Variants in CCSER1 observed in about 807,000 individuals in gnomAD.
The protein encoded by CCSER1 is coiled-coil serine rich protein 1, also known as serine-rich coiled-coil domain-containing protein 1.
Under a neutral mutation model 82.0 loss-of-function variants are expected in CCSER1, and 41 were observed. That is an observed-to-expected ratio of 0.50 (90% confidence interval 0.39 to 0.65). The LOEUF is 0.65. Among genes scored for constraint, CCSER1 ranks in the 30% least tolerant of loss-of-function variants. The pLI, the probability that CCSER1 is intolerant of heterozygous loss-of-function variation, is 0.00. For missense variants in CCSER1, 1,119 were observed against 1,064.2 expected (o/e 1.05, Z -0.72); for synonymous variants, 414 against 383.9 (o/e 1.08, Z -0.92).
chr4:91,134,787 C>T (rs182007061), intron 10 of CCSER1, among the ~76,000 whole-genome samples: 95 of 152,242 alleles, frequency 6.2e-4, no homozygotes, highest in African/African-American at 1.7e-3. Context: ...CCTGGCCAGG[C>T]GCGGTGGCTC....
At chr4:91,023,231 C>T (rs1267291537) in intron 9 of CCSER1, among the ~76,000 whole-genome samples, 1 of 152,054 alleles carries the variant, frequency 6.6e-6, no homozygotes, top group Non-Finnish European at 1.5e-5. Context: ...GCCATACTGC[C>T]CAAGGTAATT....
intron 10 of CCSER1, among the ~76,000 whole-genome samples, chr4:91,331,728 A>G (rs1009251357): frequency 6.6e-6 from 1 of 152,142 alleles, no homozygotes. Flanking sequence ...TGATAAATAC[A>G]GTGCCCCACC....
chr4:91,103,732 A>C (rs1369733600), intron 10 of CCSER1, among the ~76,000 whole-genome samples: 1 of 152,192 alleles, frequency 6.6e-6, no homozygotes, highest in Non-Finnish European at 1.5e-5. Context: ...TGTTAACTGT[A>C]CAAATTGATT....
In CCSER1 at chr4:91,338,852, TTCTC is replaced by T. The variant is rs1414166469; in HGVS notation, c.2217+252860_2217+252863del. On this transcript the variant is annotated intron_variant, in intron 10 of 10. Transcript: ENST00000509176. Reference sequence around the variant, plus strand: ...GTGATGCCCACATGCTGATGTAGTTTTCTCTTTAAATATATATATTTAAAAGCAC... The same window carrying T: ...GTGATGCCCACATGCTGATGTAGTTTTTTAAATATATATATTTAAAAGCAC... Among the ~76,000 whole-genome samples the T allele has an allele frequency of 2.9e-4, 44 of 152,124 alleles. 1 individual carries two copies. The highest frequency in any genetic ancestry group is 1.5e-4 in the Non-Finnish European group (10 of 68,012).
At chr4:90,453,708 T>G (rs1761794849) in intron 4 of CCSER1, among the ~76,000 whole-genome samples, 1 of 152,170 alleles carries the variant, frequency 6.6e-6, no homozygotes, top group Non-Finnish European at 1.5e-5. Flanking sequence ...CAGGCATGAT[T>G]AGAAAGCATG....
chr4:91,330,063 T>A (rs967095863), intron 10 of CCSER1, among the ~76,000 whole-genome samples: 1 of 152,182 alleles, frequency 6.6e-6, no homozygotes, highest in African/African-American at 2.4e-5. Context: ...TTCTACTTCA[T>A]TAATTTTTTG....
At chr4:90,586,445 G>A (rs2148664903) in intron 5 of CCSER1, among the ~76,000 whole-genome samples, 1 of 152,220 alleles carries the variant, frequency 6.6e-6, no homozygotes, top group East Asian at 1.9e-4. Context: ...AAATATAAAT[G>A]AACCAAGTCA....
intron 3 of CCSER1, chr4:90,325,597 G>T: frequency 4.5e-6 from 2 of 441,534 alleles, no homozygotes; most frequent in Non-Finnish European, 9.2e-6. Flanking sequence ...TTGATTCAGG[G>T]TCTGCGACAG....
intron 5 of CCSER1, among the ~76,000 whole-genome samples, chr4:90,511,483 T>G (rs958547146): frequency 6.6e-6 from 1 of 152,140 alleles, no homozygotes; most frequent in Admixed American, 6.5e-5. Flanking sequence ...AAGATTCAAG[T>G]GCTATTCGAA....
chr4:90,624,018 G>C (rs60548151), intron 5 of CCSER1, among the ~76,000 whole-genome samples: 1 of 152,148 alleles, frequency 6.6e-6, no homozygotes, highest in Non-Finnish European at 1.5e-5. Context: ...GTTTTTAAAA[G>C]TTATTATTTT....
intron 8 of CCSER1, among the ~76,000 whole-genome samples, chr4:90,820,414 A>G (rs1030578804): frequency 6.6e-6 from 1 of 152,188 alleles, no homozygotes; most frequent in Non-Finnish European, 1.5e-5. Flanking sequence ...GTTAGGGCCC[A>G]TCTCTCTGCT....
intron 5 of CCSER1, among the ~76,000 whole-genome samples, chr4:90,519,526 G>A (rs1772793641): frequency 6.6e-6 from 1 of 151,860 alleles, no homozygotes; most frequent in South Asian, 2.1e-4. Context: ...AGTATTGTCA[G>A]TTTATTAATT....
chr4:91,381,618 C>A (rs960767953), intron 10 of CCSER1, among the ~76,000 whole-genome samples: 1 of 152,170 alleles, frequency 6.6e-6, no homozygotes, highest in African/African-American at 2.4e-5. Context: ...GACTTCTCTA[C>A]ACTGATTATT....
At chr4:91,291,530 C>G (rs1290746777) in intron 10 of CCSER1, among the ~76,000 whole-genome samples, 3 of 151,898 alleles carry the variant, frequency 2.0e-5, no homozygotes, top group Admixed American at 6.6e-5. Context: ...ACAGTCACGA[C>G]AGAAGCAAAG....
chr4:90,883,064 T>C (rs1580916604), intron 8 of CCSER1, among the ~76,000 whole-genome samples: 1 of 152,028 alleles, frequency 6.6e-6, no homozygotes. Flanking sequence ...GTAAGTAACC[T>C]TTCTATCAAC....
intron 10 of CCSER1, among the ~76,000 whole-genome samples, chr4:91,291,453 T>A (rs1743737834): frequency 6.6e-6 from 1 of 152,012 alleles, no homozygotes; most frequent in Non-Finnish European, 1.5e-5. Flanking sequence ...GGCTCATGGT[T>A]GTACAAACCG....
chr4:91,245,345 G>T (rs1389431203), intron 10 of CCSER1, among the ~76,000 whole-genome samples: 1 of 152,018 alleles, frequency 6.6e-6, no homozygotes, highest in Non-Finnish European at 1.5e-5. Context: ...TCTAGGCATT[G>T]AATAATCAAA....
chr4:90,159,150 C>A (rs1056046527), intron 1 of CCSER1, among the ~76,000 whole-genome samples: 1 of 152,112 alleles, frequency 6.6e-6, no homozygotes, highest in African/African-American at 2.4e-5. Context: ...CCTCCTACCT[C>A]AGCCTCTTTA....
chr4:91,378,261 A>G (rs915644201), intron 10 of CCSER1, among the ~76,000 whole-genome samples: 1 of 152,118 alleles, frequency 6.6e-6, no homozygotes, highest in Non-Finnish European at 1.5e-5. Flanking sequence ...ATGAACTTTA[A>G]AGTAGATTTT....
Sources: gnomAD v4.1 joint callset for allele counts (sites outside exome capture counted in the v4.1 genomes callset) on GRCh38, gnomAD v4.1.1 for gene constraint, MANE v1.5 for transcripts, NCBI Gene and HGNC (gene_info 2026-07-23, HGNC 2026-07-21) for gene names.